NRXN1: variants seen among roughly 807,000 people sequenced by gnomAD.
NRXN1 encodes the protein neurexin 1, also known as neurexin-1.
A neutral mutation model predicts 150.9 loss-of-function variants in NRXN1; 39 were observed. The observed-to-expected ratio is 0.26, with a 90% CI of 0.20 to 0.34. The LOEUF is 0.34. Ranked by LOEUF, NRXN1 falls within the 10% of genes least tolerant of loss-of-function variation. NRXN1 has a pLI of 1.00. For missense variants in NRXN1, 1,815 were observed against 1,949.9 expected (o/e 0.93, Z 1.30); for synonymous variants, 924 against 757.0 (o/e 1.22, Z -3.62).
At chr2:50,657,148 T>C (rs1686603623) in intron 5 of NRXN1, among the ~76,000 whole-genome samples, 1 of 151,982 alleles carries the variant, frequency 6.6e-6, no homozygotes, top group Non-Finnish European at 1.5e-5. Flanking sequence ...CCATTTCATC[T>C]GTGGGCTCAT....
intron 5 of NRXN1, among the ~76,000 whole-genome samples, chr2:50,828,619 T>A (rs1362767345): frequency 1.4e-5 from 2 of 147,970 alleles, no homozygotes; most frequent in African/African-American, 2.5e-5. Flanking sequence ...GCTCCCCACA[T>A]CTCAGAAGAT....
intron 5 of NRXN1, among the ~76,000 whole-genome samples, chr2:50,870,305 C>A (rs1427875765): frequency 6.6e-6 from 1 of 151,806 alleles, no homozygotes; most frequent in Non-Finnish European, 1.5e-5. Flanking sequence ...CCATAGTTCC[C>A]ACATTGAGTA....
chr2:50,822,700 G>A (rs982051909), intron 5 of NRXN1, among the ~76,000 whole-genome samples: 1 of 152,062 alleles, frequency 6.6e-6, no homozygotes, highest in Admixed American at 6.6e-5. Flanking sequence ...TGCTAATGTA[G>A]TTCTTCAAAC....
chr2:50,228,656 C>A lies in NRXN1; in HGVS notation c.3546+8133G>T, dbSNP rs544548260. On this transcript the variant is annotated intron_variant, in intron 18 of 22. Transcript: ENST00000401669. ...GTAAAATTTTAAGTATATGAAGATA[C>A]CCTTTTTCATAGGCCAAAAGCCTTA... Among the ~76,000 whole-genome samples, 24 of 152,078 alleles carry A rather than the reference C, an allele frequency of 1.6e-4. No homozygotes were observed. The South Asian group carries it at 3.7e-3, about 24-fold the overall frequency.
chr2:50,202,715 A>AC, intron 18 of NRXN1, among the ~76,000 whole-genome samples: 1 of 152,182 alleles, frequency 6.6e-6, no homozygotes, highest in African/African-American at 2.4e-5. Context: ...ATATGAATAT[A>AC]AAGTATATTA....
chr2:50,913,811 G>A (rs1194659561), intron 5 of NRXN1, among the ~76,000 whole-genome samples: 3 of 151,640 alleles, frequency 2.0e-5, no homozygotes, highest in Non-Finnish European at 2.9e-5. Flanking sequence ...ATATAAGTAG[G>A]TATAATATGA....
chr2:50,697,578 C>T (rs952721165), intron 5 of NRXN1, among the ~76,000 whole-genome samples: 5 of 152,162 alleles, frequency 3.3e-5, no homozygotes, highest in Non-Finnish European at 7.4e-5. Context: ...GAACCTAACG[C>T]GACACTCCCC....
intron 18 of NRXN1, among the ~76,000 whole-genome samples, chr2:50,188,993 T>A (rs2061271852): frequency 6.6e-6 from 1 of 152,174 alleles, no homozygotes; most frequent in Non-Finnish European, 1.5e-5. Flanking sequence ...GAAATATCAT[T>A]TGACCCAGCA....
At chr2:50,530,677 G>C (rs2093076205) in intron 11 of NRXN1, among the ~76,000 whole-genome samples, 1 of 152,146 alleles carries the variant, frequency 6.6e-6, no homozygotes, top group Non-Finnish European at 1.5e-5. Context: ...TTGAAGGGCT[G>C]TGGATCGCTG....
At chr2:50,688,784 C>T (rs1441489275) in intron 5 of NRXN1, among the ~76,000 whole-genome samples, 1 of 152,134 alleles carries the variant, frequency 6.6e-6, no homozygotes, top group African/African-American at 2.4e-5. Flanking sequence ...GTCTGAAATC[C>T]AGTAGAAGAA....
At chr2:50,059,828 C>T (rs1475779052) in intron 19 of NRXN1, among the ~76,000 whole-genome samples, 1 of 152,154 alleles carries the variant, frequency 6.6e-6, no homozygotes, top group African/African-American at 2.4e-5. Flanking sequence ...CCCGTGGGTG[C>T]AAAGAAGTCA....
At chr2:50,024,325 C>T (rs1040032087) in intron 21 of NRXN1, among the ~76,000 whole-genome samples, 1 of 152,114 alleles carries the variant, frequency 6.6e-6, no homozygotes, top group Non-Finnish European at 1.5e-5. Context: ...AGGTTTTTGC[C>T]CTGAGTGTTT....
At chr2:50,097,582 C>T (rs1362843901) in intron 18 of NRXN1, among the ~76,000 whole-genome samples, 1 of 152,052 alleles carries the variant, frequency 6.6e-6, no homozygotes, top group African/African-American at 2.4e-5. Flanking sequence ...TATCAGAGAG[C>T]CATCTGTTAT....
chr2:50,555,547 T>C (rs1483591923), intron 8 of NRXN1, among the ~76,000 whole-genome samples: 2 of 152,212 alleles, frequency 1.3e-5, no homozygotes, highest in African/African-American at 4.8e-5. Context: ...CAATGCTTTA[T>C]ATGCTTTACA....
At chr2:50,032,545 G>C (rs1443664669) in intron 21 of NRXN1, among the ~76,000 whole-genome samples, 1 of 152,042 alleles carries the variant, frequency 6.6e-6, no homozygotes, top group Non-Finnish European at 1.5e-5. Context: ...TGCAATTTGA[G>C]AGCTAAAAGC....
intron 21 of NRXN1, among the ~76,000 whole-genome samples, chr2:49,953,277 T>G (rs557372400): frequency 6.6e-6 from 1 of 152,250 alleles, no homozygotes; most frequent in East Asian, 1.9e-4. Context: ...CAGGACTGCA[T>G]GCCCCCAAAT....
At chr2:49,928,256 C>T (rs1669471411) in intron 22 of NRXN1, among the ~76,000 whole-genome samples, 1 of 150,320 alleles carries the variant, frequency 6.7e-6, no homozygotes, top group Non-Finnish European at 1.5e-5. Context: ...TGCAATGATC[C>T]TTAAAAAAAA....
chr2:50,459,289 A>T (rs1169674320), intron 17 of NRXN1, among the ~76,000 whole-genome samples: 1 of 152,174 alleles, frequency 6.6e-6, no homozygotes, highest in African/African-American at 2.4e-5. Context: ...TATCTTCCTG[A>T]TTAATAAAAT....
chr2:51,028,342 C>G lies in NRXN1; in HGVS notation c.-69G>C. On this transcript the variant is annotated 5_prime_UTR_variant, in exon 2 of 23. Coordinates refer to ENST00000401669, the MANE Select transcript of NRXN1 (RefSeq NM_001330078.2). The stretch of plus-strand genomic sequence containing the variant: ...GTCAAAATGGTCCTGGACACCGTGA[C>G]GAAGAAATAAGGGTCCCGAGAGACA... The G allele has an allele frequency of 9.1e-7, 1 of 1,095,934 alleles. No individual in the cohort carries two copies. Among genetic ancestry groups the G allele is most frequent in the Non-Finnish European group, 1.2e-6 (1 of 813,752 alleles). 67.9% of individuals were successfully genotyped at this position (1,095,934 alleles called of 1,614,324 possible). A position where few individuals can be genotyped will look rare whatever the true frequency, so the allele number is the denominator to read the frequency against.
Sources: gnomAD v4.1 joint callset for allele counts (sites outside exome capture counted in the v4.1 genomes callset) on GRCh38, gnomAD v4.1.1 for gene constraint, MANE v1.5 for transcripts, NCBI Gene and HGNC (gene_info 2026-07-23, HGNC 2026-07-21) for gene names.